MGAT4C: variants seen among roughly 807,000 people sequenced by gnomAD.
MGAT4C encodes the protein alpha-1,3-mannosyl-glycoprotein 4-beta-N-acetylglucosaminyltransferase C.
MGAT4C carries 19 observed loss-of-function variants against 40.1 expected under a neutral mutation model. The observed-to-expected ratio is 0.47, with a 90% CI of 0.33 to 0.70. The LOEUF is 0.70. Ranked by LOEUF, MGAT4C falls within the 30% of genes least tolerant of loss-of-function variation. MGAT4C has a pLI of 0.02. For synonymous variants in MGAT4C, 181 were observed against 187.1 expected (o/e 0.97, Z 0.27); for missense variants, 491 against 563.2 (o/e 0.87, Z 1.30).
chr12:86,156,750 A>T (rs1418973610), intron 1 of MGAT4C, among the ~76,000 whole-genome samples: 1 of 152,154 alleles, frequency 6.6e-6, no homozygotes, highest in Non-Finnish European at 1.5e-5. Context: ...TTCATTTTTC[A>T]TTTTTCTACT....
At chr12:86,464,116 A>C (rs1957642393) in intron 2 of MGAT4C, among the ~76,000 whole-genome samples, 1 of 152,086 alleles carries the variant, frequency 6.6e-6, no homozygotes, top group African/African-American at 2.4e-5. Context: ...CCATACTGTA[A>C]GATAGTACTT....
At chr12:86,360,438 C>T (rs1283007054) in intron 3 of MGAT4C, among the ~76,000 whole-genome samples, 3 of 152,160 alleles carry the variant, frequency 2.0e-5, no homozygotes, top group Non-Finnish European at 2.9e-5. Flanking sequence ...GACAGGGATG[C>T]CCTCTCTCAC....
chr12:86,390,031 A>C (rs1956136163), intron 3 of MGAT4C, among the ~76,000 whole-genome samples: 2 of 152,178 alleles, frequency 1.3e-5, no homozygotes, highest in Non-Finnish European at 2.9e-5. Flanking sequence ...TGCACTTTTT[A>C]ACAACATTAC....
intron 3 of MGAT4C, among the ~76,000 whole-genome samples, chr12:86,407,754 A>C (rs1565739514): frequency 3.3e-5 from 5 of 152,108 alleles, no homozygotes; most frequent in African/African-American, 9.7e-5. Flanking sequence ...TTCATTTAGT[A>C]CATACTCGGT....
At chr12:86,049,586 G>T in intron 2 of MGAT4C, 88 bp downstream of exon 2, 2 of 646,796 alleles carry the variant, frequency 3.1e-6, no homozygotes, top group Non-Finnish European at 3.8e-6. Flanking sequence ...AGCTACTCCA[G>T]GACAATTTTA....
At chr12:86,758,175 A>C (rs1951338613) in intron 1 of MGAT4C, among the ~76,000 whole-genome samples, 1 of 152,066 alleles carries the variant, frequency 6.6e-6, no homozygotes, top group Non-Finnish European at 1.5e-5. Context: ...AATTACCCAA[A>C]GTTTCTTTGG....
At chr12:86,804,107 T>C (rs1166721793) in intron 1 of MGAT4C, among the ~76,000 whole-genome samples, 1 of 151,014 alleles carries the variant, frequency 6.6e-6, no homozygotes, top group African/African-American at 2.4e-5. Context: ...TGAGTTCACG[T>C]CCTTTGTAGG....
At chr12:86,210,687 A>C (rs2135957454) in intron 1 of MGAT4C, among the ~76,000 whole-genome samples, 1 of 152,364 alleles carries the variant, frequency 6.6e-6, no homozygotes, top group Middle Eastern at 3.4e-3. Context: ...AGCTAATTAA[A>C]GTGCCAAACT....
intron 4 of MGAT4C, among the ~76,000 whole-genome samples, chr12:86,307,431 A>T (rs892730155): frequency 6.6e-6 from 1 of 150,432 alleles, no homozygotes; most frequent in African/African-American, 2.5e-5. Flanking sequence ...AAGGATGGAG[A>T]GATGCATTCC....
chr12:86,477,564 G>A (rs190621936), intron 2 of MGAT4C, among the ~76,000 whole-genome samples: 4 of 151,842 alleles, frequency 2.6e-5, no homozygotes, highest in Admixed American at 6.6e-5. Flanking sequence ...AAAGAAAAAC[G>A]CAGATAAAAA....
intron 4 of MGAT4C, among the ~76,000 whole-genome samples, chr12:86,308,765 C>T (rs1429850092): frequency 1.3e-5 from 2 of 150,422 alleles, no homozygotes; most frequent in South Asian, 4.2e-4. Context: ...TTAGTATGAA[C>T]CCACTATGGT....
intron 3 of MGAT4C, among the ~76,000 whole-genome samples, chr12:86,348,118 C>T (rs1364190177): frequency 2.6e-5 from 4 of 152,138 alleles, no homozygotes; most frequent in Admixed American, 6.6e-5. Flanking sequence ...ATATTCCTAA[C>T]ATCTAGATGA....
chr12:85,988,497 C>T (rs1225976509), intron 3 of MGAT4C, among the ~76,000 whole-genome samples: 1 of 151,760 alleles, frequency 6.6e-6, no homozygotes. Context: ...TTTTTAGTTC[C>T]TGTTAGTTGT....
intron 3 of MGAT4C, among the ~76,000 whole-genome samples, chr12:86,386,006 C>A (rs1956043413): frequency 6.6e-6 from 1 of 152,230 alleles, no homozygotes; most frequent in Admixed American, 6.5e-5. Flanking sequence ...TCTCGGCTCA[C>A]TGCAACCTCC....
Position 86,811,028 on chromosome 12 carries a change from A to AGC in MGAT4C, c.-262+27637_-262+27638insGC, listed in dbSNP as rs1566006314. ...TTTTGATTTGAGACTAGTCCTTGTC[A>AGC]AAGATTTTATATTTGACATAAACTA... is the stretch of plus-strand genomic sequence containing the variant. On this transcript the variant is annotated intron_variant, in intron 1 of 7. Coordinates refer to the MGAT4C transcript ENST00000548651. 6.0e-3 allele frequency among the ~76,000 whole-genome samples: 496 copies of AGC among 82,890 alleles called. 26 individuals carry two copies. The highest frequency in any genetic ancestry group is 8.1e-3 in the Non-Finnish European group (258 of 31,746). The allele number at this position is 82,890 out of a possible 152,430, so 54.4% of individuals were successfully genotyped here.
intron 3 of MGAT4C, among the ~76,000 whole-genome samples, chr12:86,409,460 G>A (rs1378280151): frequency 6.6e-6 from 1 of 151,406 alleles, no homozygotes; most frequent in Non-Finnish European, 1.5e-5. Flanking sequence ...GCCATGAAGT[G>A]TGCATTTTCA....
chr12:86,265,058 C>T (rs1952751573), intron 4 of MGAT4C, among the ~76,000 whole-genome samples: 2 of 152,210 alleles, frequency 1.3e-5, no homozygotes, highest in South Asian at 4.1e-4. Flanking sequence ...CTAGCCGCAG[C>T]CTCACAGGGA....
At chr12:86,273,969 G>A (rs1447866164) in intron 4 of MGAT4C, among the ~76,000 whole-genome samples, 1 of 152,182 alleles carries the variant, frequency 6.6e-6, no homozygotes, top group East Asian at 1.9e-4. Context: ...TTAACTGGTT[G>A]ACAGTTCCAC....
chr12:86,427,914 G>T (rs1036668832), intron 3 of MGAT4C, among the ~76,000 whole-genome samples: 2 of 152,006 alleles, frequency 1.3e-5, no homozygotes, highest in African/African-American at 4.8e-5. Context: ...CAGCTACTCG[G>T]GAGGCTGAGG....
Sources: gnomAD v4.1 joint callset for allele counts (sites outside exome capture counted in the v4.1 genomes callset) on GRCh38, gnomAD v4.1.1 for gene constraint, MANE v1.5 for transcripts, NCBI Gene and HGNC (gene_info 2026-07-23, HGNC 2026-07-21) for gene names.